SORCS3: variants seen among roughly 807,000 people sequenced by gnomAD.
SORCS3 encodes the protein sortilin related VPS10 domain containing receptor 3.
In SORCS3, 57 loss-of-function variants were observed where a neutral mutation model predicts 146.3. That is an observed-to-expected ratio of 0.39 (90% CI 0.31 to 0.49). The LOEUF (loss-of-function observed/expected upper bound fraction) is 0.49, where lower values mean the gene tolerates loss of function less well. Ranked by LOEUF, SORCS3 falls within the 20% of genes least tolerant of loss-of-function variation. The probability of loss-of-function intolerance (pLI) is 0.92; values close to 1 mark genes in which losing one functional copy is unlikely to be tolerated. For missense variants in SORCS3, 1,341 were observed against 1,575.5 expected, an observed-to-expected ratio of 0.85 and a Z score of 2.52; for synonymous variants, 653 against 618.5, an observed-to-expected ratio of 1.06 and a Z score of -0.83.
intron 1 of SORCS3, among the ~76,000 whole-genome samples, chr10:104,834,307 T>C (rs2018041112): frequency 6.6e-6 from 1 of 152,200 alleles, no homozygotes; most frequent in African/African-American, 2.4e-5. Context: ...ACAGTGCTTC[T>C]CAAGGCCCAG....
chr10:105,116,542 C>A (rs2055894742), intron 7 of SORCS3, among the ~76,000 whole-genome samples: 1 of 151,940 alleles, frequency 6.6e-6, no homozygotes, highest in South Asian at 2.1e-4. Context: ...GGGTATATGC[C>A]CAAAGGAAAA....
chr10:105,252,927 C>T (rs1259282680), intron 23 of SORCS3, 21 bp downstream of exon 23: 1 of 1,612,878 alleles, frequency 6.2e-7, no homozygotes, highest in Admixed American at 1.7e-5. Context: ...GTAAATCTGG[C>T]TGGGACCCTT....
At chr10:105,010,715 A>G (rs959935927) in intron 4 of SORCS3, among the ~76,000 whole-genome samples, 2 of 132,714 alleles carry the variant, frequency 1.5e-5, no homozygotes, top group Admixed American at 1.7e-4. Context: ...TTGGAAGCAT[A>G]GTTTCTTTTT....
intron 4 of SORCS3, among the ~76,000 whole-genome samples, chr10:105,031,538 C>T (rs2055267762): frequency 6.6e-6 from 1 of 152,110 alleles, no homozygotes; most frequent in South Asian, 2.1e-4. Flanking sequence ...CTGTTAATGT[C>T]CCCTTAATCA....
rs552419863 is a variant in SORCS3 at position 104,774,923 on chromosome 10, T to C, written c.628-67869T>C. ...GCTGAGACATTCCTATTTAGGCTTGTTTTATGTTCTAATTCCCAAGGACAT... is the reference window on the plus strand; with the variant it reads ...GCTGAGACATTCCTATTTAGGCTTGCTTTATGTTCTAATTCCCAAGGACAT... On this transcript the variant is annotated intron_variant, in intron 1 of 26. Coordinates refer to ENST00000369701, the MANE Select transcript of SORCS3 (RefSeq NM_014978.3). Among the ~76,000 whole-genome samples the C allele has an allele frequency of 8.5e-5, 13 of 152,298 alleles. 1 individual carries two copies. The highest frequency in any genetic ancestry group is 2.9e-4 in the African/African-American group (12 of 41,562).
At chr10:105,184,548 CT>C (rs1436700176) in intron 14 of SORCS3, among the ~76,000 whole-genome samples, 1 of 152,186 alleles carries the variant, frequency 6.6e-6, no homozygotes, top group Non-Finnish European at 1.5e-5. Context: ...CATATTTCCC[CT>C]AGCTATAAAT....
At chr10:105,127,457 A>T (rs1309689890) in intron 7 of SORCS3, among the ~76,000 whole-genome samples, 1 of 152,128 alleles carries the variant, frequency 6.6e-6, no homozygotes, top group Admixed American at 6.6e-5. Flanking sequence ...TAGTACCAAG[A>T]TGACCTCAAG....
chr10:104,977,276 A>C, intron 3 of SORCS3, 59 bp from the exon 4 acceptor site: 1 of 1,361,330 alleles, frequency 7.3e-7, no homozygotes, highest in Non-Finnish European at 9.9e-7. Flanking sequence ...GATTAAAGTT[A>C]TTATATTTAT....
At chr10:104,747,526 C>A (rs1323370685) in intron 1 of SORCS3, among the ~76,000 whole-genome samples, 1 of 152,154 alleles carries the variant, frequency 6.6e-6, no homozygotes, top group Admixed American at 6.5e-5. Context: ...ATGACAGATG[C>A]ATGGAGTTCC....
chr10:104,829,405 C>A (rs1258049404), intron 1 of SORCS3, among the ~76,000 whole-genome samples: 4 of 152,028 alleles, frequency 2.6e-5, no homozygotes, highest in African/African-American at 7.2e-5. Flanking sequence ...GGAAGGAGAG[C>A]ATCAGGTAGA....
chr10:104,987,396 A>G (rs1340856132), intron 4 of SORCS3, among the ~76,000 whole-genome samples: 2 of 152,108 alleles, frequency 1.3e-5, no homozygotes, highest in African/African-American at 4.8e-5. Flanking sequence ...AAAATTCTTT[A>G]AGTAATATAC....
At chr10:104,708,560 C>G (rs758808087) in intron 1 of SORCS3, among the ~76,000 whole-genome samples, 1 of 152,178 alleles carries the variant, frequency 6.6e-6, no homozygotes, top group Non-Finnish European at 1.5e-5. Context: ...CTTCTGATAA[C>G]TTGTTTGGTG....
intron 23 of SORCS3, 110 bp downstream of exon 23, chr10:105,253,016 C>A (rs2056910441): frequency 1.5e-6 from 2 of 1,311,768 alleles, no homozygotes; most frequent in African/African-American, 1.5e-5. Flanking sequence ...ATTACCCCAA[C>A]AGCCAAGGTT....
At chr10:105,088,439 C>T (rs551416528) in intron 5 of SORCS3, among the ~76,000 whole-genome samples, 4 of 152,282 alleles carry the variant, frequency 2.6e-5, no homozygotes, top group Non-Finnish European at 2.9e-5. Context: ...GACTAAATTT[C>T]GACCTTTCAA....
intron 14 of SORCS3, among the ~76,000 whole-genome samples, chr10:105,182,722 G>T (rs1196239522): frequency 1.3e-5 from 2 of 152,228 alleles, no homozygotes; most frequent in Non-Finnish European, 2.9e-5. Context: ...TTGAGGTAGG[G>T]TCTCACTCTG....
chr10:104,671,050 A>T (rs1025408010), intron 1 of SORCS3, among the ~76,000 whole-genome samples: 1 of 151,848 alleles, frequency 6.6e-6, no homozygotes, highest in African/African-American at 2.4e-5. Context: ...ATCTTTTTTT[A>T]AACTTTAAGT....
At chr10:104,893,540 A>G (rs891000276) in intron 2 of SORCS3, among the ~76,000 whole-genome samples, 2 of 152,102 alleles carry the variant, frequency 1.3e-5, no homozygotes, top group Admixed American at 6.5e-5. Flanking sequence ...GCTGTTTTCA[A>G]TGTTTCTGAC....
At chr10:104,891,191 G>A (rs7073438) in intron 2 of SORCS3, among the ~76,000 whole-genome samples, 55,895 of 152,026 alleles carry the variant, frequency 0.37, 13,362 homozygotes, top group African/African-American at 0.68. Flanking sequence ...TGACTTATGA[G>A]GGTTGCCACT....
chr10:104,673,908 T>C (rs1186820200), intron 1 of SORCS3, among the ~76,000 whole-genome samples: 1 of 152,244 alleles, frequency 6.6e-6, no homozygotes, highest in Non-Finnish European at 1.5e-5. Flanking sequence ...TCACCCCTTT[T>C]GGTTGGTGAT....
Sources: allele counts gnomAD v4.1 joint callset (sites outside exome capture counted in the v4.1 genomes callset), GRCh38; gene constraint gnomAD v4.1.1; transcripts MANE v1.5; gene names NCBI Gene and HGNC (gene_info 2026-07-23, HGNC 2026-07-21).